The following ABCC3 variants were observed in gnomAD, a reference collection of about 807,000 sequenced individuals.
The protein encoded by ABCC3 is ATP-binding cassette sub-family C member 3.
In ABCC3, 121 loss-of-function variants were observed where a neutral mutation model predicts 165.3. The ratio of observed to expected loss-of-function variants is 0.73; its 90% CI spans 0.63 to 0.85. The LOEUF is 0.85. ABCC3 is among the 40% of genes least tolerant of loss of function. The pLI, the probability that ABCC3 is intolerant of heterozygous loss-of-function variation, is 0.00. For synonymous variants in ABCC3, 733 were observed against 810.1 expected (o/e 0.90, Z 1.62); for missense variants, 1,869 against 1,964.1 (o/e 0.95, Z 0.92).
At position 50,691,161 on chromosome 17, in the gene ABCC3, C is replaced by A. The variant is rs748245681; in HGVS notation, c.4545C>A (p.Gly1515=). The change falls in exon 31 of 31, where the codon GGC becomes GGA. Residue 1515 remains glycine (G), a synonymous_variant. Transcript: ENST00000285238. The part of the protein sequence containing the change: ...DSPANLIAAR[G]IFYGMARDAG... ...CAGCCAACCTCATTGCAGCTAGAGG[C>A]ATCTTCTACGGGATGGCCAGAGATG... 1 of 1,614,170 alleles carries A rather than the reference C, an allele frequency of 6.2e-7. No individual in the cohort carries two copies. Among genetic ancestry groups the A allele is most frequent in the Admixed American group, 1.7e-5 (1 of 60,028 alleles).
intron 26 of ABCC3, 69 bp downstream of exon 26, chr17:50,679,968 C>G (rs912762628): frequency 2.3e-6 from 3 of 1,277,424 alleles, no homozygotes; most frequent in African/African-American, 2.9e-5. Flanking sequence ...TGGTGGCTCT[C>G]TCTCCCTCAA....
intron 14 of ABCC3, 146 bp from the exon 15 acceptor site, chr17:50,668,707 C>A (rs1172585986): frequency 1.3e-6 from 1 of 793,058 alleles, no homozygotes; most frequent in Non-Finnish European, 2.1e-6. Context: ...CTCCCCACAT[C>A]CCTTTCTTCC....
At position 50,683,661 on chromosome 17, in the gene ABCC3, G is replaced by A; in HGVS notation, c.3859G>A (p.Gly1287Arg). Residue 1287 changes from glycine to arginine, a missense_variant, in exon 27 of 31, where the codon GGG becomes AGG. By Grantham distance (125) the Gly-to-Arg change is moderately radical. Transcript: ENST00000285238. ...SRPPEGWPPR[G>R]EVEFRNYSVR... is the part of the protein sequence containing the mutation. ...CCCTCCCGAAGGTTGGCCCCCACGT[G>A]GGGAGGTGGAGTTCCGGAATTATTC... The A allele has an allele frequency of 6.2e-7, 1 of 1,603,152 alleles. No individual in the cohort carries two copies. Among genetic ancestry groups the A allele is most frequent in the Non-Finnish European group, 8.5e-7 (1 of 1,174,608 alleles).
Position 50,691,209 on chromosome 17 carries a change from C to T in ABCC3, c.*9C>T. 6.3e-7 allele frequency: 1 copy of T among 1,595,906 alleles called. No homozygotes were observed. The highest frequency in any genetic ancestry group is 8.6e-7 in the Non-Finnish European group (1 of 1,163,600). On this transcript the variant is annotated 3_prime_UTR_variant, in exon 31 of 31. Coordinates refer to ENST00000285238, the MANE Select transcript of ABCC3 (RefSeq NM_003786.4). ...ATGCTGGACTTGCCTAAAATATATT[C>T]CTGAGATTTCCTCCTGGCCTTTCCT...
chr17:50,649,336 C>T (rs1205658621), intron 1 of ABCC3, among the ~76,000 whole-genome samples: 2 of 151,944 alleles, frequency 1.3e-5, no homozygotes, highest in East Asian at 3.9e-4. Flanking sequence ...GCTTGATTGG[C>T]GACAGATCAG....
chr17:50,649,813 C>G (rs1422839415), intron 1 of ABCC3, among the ~76,000 whole-genome samples: 1 of 152,050 alleles, frequency 6.6e-6, no homozygotes, highest in Non-Finnish European at 1.5e-5. Context: ...GATCACAGGT[C>G]ACTGTGAACA....
At chr17:50,675,283 A>G (rs1201088995) in intron 19 of ABCC3, 79 bp from the exon 20 acceptor site, 1 of 965,252 alleles carries the variant, frequency 1.0e-6, no homozygotes, top group Non-Finnish European at 1.6e-6. Flanking sequence ...CCCTTTCATT[A>G]GAGTGGGGAA....
rs1967329261 is a variant in ABCC3 at position 50,659,365 on chromosome 17, C to G, written c.803C>G (p.Ala268Gly). The G allele has an allele frequency of 4.4e-6, 7 of 1,607,484 alleles. No individual in the cohort carries two copies. Among genetic ancestry groups the G allele is most frequent in the Non-Finnish European group, 6.0e-6 (7 of 1,175,078 alleles). ...EAWRKQEKQT[A>G]RHKASAAPGK... ...TGGAGGAAGCAGGAAAAGCAGACGG[C>G]ACGGTGAGGCCCTCCCCTTGCCCCA... is the stretch of plus-strand genomic sequence containing the variant. Residue 268 changes from alanine (A) to glycine (G), a missense_variant, in exon 7 of 31, where the codon GCA (alanine) becomes GGA (glycine). Physicochemically the swap from Ala to Gly is moderately conservative, Grantham distance 60. Transcript: ENST00000285238.
At chr17:50,643,738 C>A in intron 1 of ABCC3, 1 of 416,852 alleles carries the variant, frequency 2.4e-6, no homozygotes, top group South Asian at 1.7e-5. Context: ...AAAAGAGGGA[C>A]TAGGTTGAGC....
chr17:50,657,018 C>T, intron 3 of ABCC3, 28 bp from the exon 4 acceptor site: 1 of 1,607,074 alleles, frequency 6.2e-7, no homozygotes, highest in Non-Finnish European at 8.5e-7. Flanking sequence ...GTGTGTTCTG[C>T]CCGGGCCTCC....
intron 26 of ABCC3, among the ~76,000 whole-genome samples, chr17:50,680,148 C>T (rs562729267): frequency 9.2e-5 from 14 of 152,302 alleles, no homozygotes; most frequent in African/African-American, 1.9e-4. Context: ...TATTGCAGGG[C>T]TTTGCAGTGG....
At chr17:50,680,633 G>C (rs1053352541) in intron 26 of ABCC3, among the ~76,000 whole-genome samples, 12 of 151,850 alleles carry the variant, frequency 7.9e-5, no homozygotes, top group African/African-American at 2.9e-4. Flanking sequence ...CTCCCTCCCC[G>C]GCCAGCCTAG....
intron 11 of ABCC3, among the ~76,000 whole-genome samples, chr17:50,666,675 T>C (rs780808885): frequency 6.6e-6 from 1 of 152,236 alleles, no homozygotes; most frequent in Non-Finnish European, 1.5e-5. Context: ...AGCTGTATCA[T>C]GGCAGGGGCC....
intron 22 of ABCC3, 45 bp downstream of exon 22, chr17:50,676,135 T>G (rs760226545): frequency 1.9e-6 from 3 of 1,608,176 alleles, no homozygotes; most frequent in South Asian, 2.2e-5. Context: ...TATCCCTTCT[T>G]CTCTGGGCTG....
intron 7 of ABCC3, among the ~76,000 whole-genome samples, chr17:50,660,399 T>A (rs1428292388): frequency 6.6e-6 from 1 of 152,156 alleles, no homozygotes; most frequent in East Asian, 1.9e-4. Flanking sequence ...AGGAGTTCAA[T>A]GTTTGCTCAG....
Position 50,660,982 on chromosome 17 carries a change from G to C in ABCC3, c.866G>C (p.Gly289Ala). Reference sequence around the variant, plus strand: ...TCCGGCGAGGACGAGGTGCTGCTGGGTGCCCGGCCCAGGCCCCGGAAGCCC... The same window carrying C: ...TCCGGCGAGGACGAGGTGCTGCTGGCTGCCCGGCCCAGGCCCCGGAAGCCC... Reference protein sequence around the residue: ...NASGEDEVLLGARPRPRKPSF... With the variant: ...NASGEDEVLLAARPRPRKPSF... The change falls in exon 8 of 31, where the codon GGT becomes GCT. Residue 289 changes from glycine (G) to alanine (A), a missense_variant. By Grantham distance (60) the Gly-to-Ala change is moderately conservative (BLOSUM62 0). Transcript: ENST00000285238. The C allele has an allele frequency of 6.2e-7, 1 of 1,613,942 alleles. No homozygotes were observed. The highest frequency in any genetic ancestry group is 8.5e-7 in the Non-Finnish European group (1 of 1,179,916).
intron 18 of ABCC3, 131 bp from the exon 19 acceptor site, chr17:50,673,338 G>C: frequency 7.7e-7 from 1 of 1,296,164 alleles, no homozygotes; most frequent in South Asian, 1.4e-5. Flanking sequence ...CGAGCACAGG[G>C]TGAGTCACCC....
At position 50,664,040 on chromosome 17, in the gene ABCC3, C is replaced by A. The variant is rs1429035786; in HGVS notation, c.1267C>A (p.Leu423Ile). Residue 423 changes from leucine (L) to isoleucine (I), a missense_variant, in exon 10 of 31, where the codon CTT (leucine) becomes ATT (isoleucine). By Grantham distance (5) the Leu-to-Ile change is conservative. Coordinates refer to ENST00000285238, the MANE Select transcript of ABCC3 (RefSeq NM_003786.4). ...AGTGGATGCCCAGCGCTTCATGGAC[C>A]TTGCCCCCTTCCTCAATCTGCTGTG... ...MSVDAQRFMD[L>I]APFLNLLWSA... 2 of 1,614,102 alleles carry A rather than the reference C, an allele frequency of 1.2e-6. No individual in the cohort carries two copies. The highest frequency in any genetic ancestry group is 1.7e-6 in the Non-Finnish European group (2 of 1,180,050).
At chr17:50,637,255 T>TGGGGAAGGAGCGTGGAGA (rs2054189354) in intron 1 of ABCC3, among the ~76,000 whole-genome samples, 1 of 152,118 alleles carries the variant, frequency 6.6e-6, no homozygotes, top group African/African-American at 2.4e-5. Flanking sequence ...GGCTGGTGAC[T>TGGGGAAGGAGCGTGGAGA]GGGGAAGGAG....
Sources: allele counts gnomAD v4.1 joint callset (sites outside exome capture counted in the v4.1 genomes callset), GRCh38; gene constraint gnomAD v4.1.1; transcripts MANE v1.5; gene names NCBI Gene and HGNC (gene_info 2026-07-23, HGNC 2026-07-21).